Variants in DCBLD2 observed in about 807,000 individuals in gnomAD.
DCBLD2 encodes the protein discoidin, CUB and LCCL domain-containing protein 2.
A neutral mutation model predicts 86.8 loss-of-function variants in DCBLD2; 54 were observed. The ratio of observed to expected loss-of-function variants is 0.62; its 90% CI spans 0.50 to 0.78. The LOEUF (loss-of-function observed/expected upper bound fraction) is 0.78. Ranked by LOEUF, DCBLD2 falls within the 30% of genes least tolerant of loss-of-function variation. The pLI is 0.00. For synonymous variants in DCBLD2, 354 were observed against 341.3 expected, an observed-to-expected ratio of 1.04 and a Z score of -0.41; for missense variants, 908 against 954.2, an observed-to-expected ratio of 0.95 and a Z score of 0.64.
rs762308000 is a variant in DCBLD2, at chr3:98,819,233, T to A, written c.1056A>T (p.Gln352His). 1 of 1,594,852 alleles carries A rather than the reference T, an allele frequency of 6.3e-7. No individual in the cohort carries two copies. The highest frequency in any genetic ancestry group is 1.1e-5 in the South Asian group (1 of 88,600). The change falls in exon 8 of 16, where the codon CAA becomes CAT. Residue 352 changes from glutamine (Q) to histidine (H), a missense_variant. By Grantham distance (24) the Gln-to-His change is conservative (BLOSUM62 0). Transcript: ENST00000326840. ...TTTTCTTTTCCTTATTCAAATCTAT[T>A]TGTAACCACTGGTATTCATCAGTGG... is the stretch of plus-strand genomic sequence containing the variant. ...AFATDEYQWL[Q>H]IDLNKEKKIT... is the part of the protein sequence containing the mutation.
At chr3:98,848,320 G>C (rs893689887) in intron 3 of DCBLD2, among the ~76,000 whole-genome samples, 1 of 152,208 alleles carries the variant, frequency 6.6e-6, no homozygotes, top group Admixed American at 6.5e-5. Context: ...TTTCATGGCT[G>C]CATAGTATTC....
At position 98,796,638 on chromosome 3, in the gene DCBLD2, T is replaced by C. The variant is rs1358075963; in HGVS notation, c.*2734A>G. On this transcript the variant is annotated 3_prime_UTR_variant, in exon 16 of 16. Transcript: ENST00000326840. ...CGTTTACATCAGCGAATAAACCCAT[T>C]GTTCAATGCAAAGTGCAAACAGTGA... The C allele has an allele frequency of 1.3e-5, 2 of 152,762 alleles. No individual in the cohort carries two copies. Among genetic ancestry groups the C allele is most frequent in the South Asian group, 2.1e-4 (1 of 4,828 alleles). The allele number at this position is 152,762 out of a possible 1,614,324, so 9.5% of individuals were successfully genotyped here.
chr3:98,831,489 T>C (rs1942322276), intron 3 of DCBLD2, among the ~76,000 whole-genome samples: 1 of 152,174 alleles, frequency 6.6e-6, no homozygotes, highest in Non-Finnish European at 1.5e-5. Flanking sequence ...TGATTATACA[T>C]ATTCTGCTAG....
chr3:98,849,388 C>T lies in DCBLD2; in HGVS notation c.571+73G>A, dbSNP rs1262842972. ...CTATTCCAATTTCAGAAAACAGGTA[C>T]TTAAAAAAAGCATTTTATTTTTGTT... is the stretch of plus-strand genomic sequence containing the variant. On this transcript the variant is annotated intron_variant, in intron 3 of 15. Coordinates refer to ENST00000326840, the MANE Select transcript of DCBLD2 (RefSeq NM_080927.4). 7 of 1,591,070 alleles carry T rather than the reference C, an allele frequency of 4.4e-6. No individual in the cohort carries two copies. The South Asian group carries it at 6.7e-5, about 15-fold the overall frequency.
chr3:98,873,575 A>C (rs1943316241), intron 2 of DCBLD2, among the ~76,000 whole-genome samples: 1 of 152,136 alleles, frequency 6.6e-6, no homozygotes, highest in African/African-American at 2.4e-5. Flanking sequence ...ATTCCTAAAA[A>C]ATGATATAAT....
At chr3:98,891,092 A>G (rs1247209537) in intron 1 of DCBLD2, among the ~76,000 whole-genome samples, 1 of 151,886 alleles carries the variant, frequency 6.6e-6, no homozygotes, top group African/African-American at 2.4e-5. Context: ...AAACACAGAG[A>G]GTCATTCCAG....
At chr3:98,869,598 A>T (rs1576193692) in intron 2 of DCBLD2, among the ~76,000 whole-genome samples, 2 of 152,354 alleles carry the variant, frequency 1.3e-5, no homozygotes, top group Admixed American at 1.3e-4. Context: ...TTTCAAAAAA[A>T]GGTGTGGCTT....
intron 2 of DCBLD2, among the ~76,000 whole-genome samples, chr3:98,873,899 G>C (rs1156331415): frequency 6.6e-6 from 1 of 151,898 alleles, no homozygotes; most frequent in Admixed American, 6.6e-5. Context: ...AATGACAGGA[G>C]GTAAATAACT....
chr3:98,899,458 G>A (rs375325380), intron 1 of DCBLD2, among the ~76,000 whole-genome samples: 4 of 152,062 alleles, frequency 2.6e-5, no homozygotes, highest in African/African-American at 9.6e-5. Context: ...CACCATGTTG[G>A]TCAGGATGGT....
Position 98,822,862 on chromosome 3 carries a change from C to T in DCBLD2, c.624-121G>A, listed in dbSNP as rs535953021. The T allele has an allele frequency of 6.7e-6, 5 of 745,766 alleles. No homozygotes were observed. In the African/African-American group the frequency reaches 7.3e-5, roughly 11 times the overall value. The allele number at this position is 745,766 out of a possible 1,614,324, so 46.2% of individuals were successfully genotyped here. On this transcript the variant is annotated intron_variant, in intron 4 of 15. Transcript: ENST00000326840. The stretch of plus-strand genomic sequence containing the variant: ...AAGGTGAATACCATAATTTCACTAC[C>T]CTCAAAGACCCACCACTTCTTTTTT...
intron 1 of DCBLD2, among the ~76,000 whole-genome samples, chr3:98,893,833 T>C (rs1441984903): frequency 6.6e-6 from 1 of 152,166 alleles, no homozygotes; most frequent in Non-Finnish European, 1.5e-5. Flanking sequence ...GAGGAAGTCA[T>C]ACTGTGCAAG....
At chr3:98,804,437 T>C (rs1372092789) in intron 13 of DCBLD2, among the ~76,000 whole-genome samples, 2 of 152,170 alleles carry the variant, frequency 1.3e-5, no homozygotes, top group Admixed American at 6.5e-5. Flanking sequence ...TCTTCTCTCT[T>C]TTCTTCTTTA....
chr3:98,889,475 A>T (rs1399225088), intron 1 of DCBLD2, among the ~76,000 whole-genome samples: 1 of 152,086 alleles, frequency 6.6e-6, no homozygotes, highest in Admixed American at 6.6e-5. Context: ...TAAATGTCAT[A>T]AAAAGCAAAA....
Position 98,798,154 on chromosome 3 carries a change from TC to T in DCBLD2, c.*1217del, listed in dbSNP as rs1365357201. 6.6e-6 allele frequency: 1 copy of T among 152,144 alleles called. No homozygotes were observed. 9.4% of individuals were successfully genotyped at this position (152,144 alleles called of 1,614,324 possible). On this transcript the variant is annotated 3_prime_UTR_variant, in exon 16 of 16. Coordinates refer to ENST00000326840, the MANE Select transcript of DCBLD2 (RefSeq NM_080927.4). The stretch of plus-strand genomic sequence containing the variant: ...TTTGCTAGTAAGCTATAATGTCTGT[TC>T]CCTAGGTGACATATAGGACTACTCA...
intron 2 of DCBLD2, 31 bp from the exon 3 acceptor site, chr3:98,849,629 G>T (rs1216000824): frequency 1.3e-6 from 2 of 1,597,216 alleles, no homozygotes; most frequent in Admixed American, 3.4e-5. Flanking sequence ...GATTATTTGG[G>T]ATGACTCTCA....
chr3:98,864,057 A>C (rs1943095274), intron 2 of DCBLD2, among the ~76,000 whole-genome samples: 1 of 152,230 alleles, frequency 6.6e-6, no homozygotes, highest in Non-Finnish European at 1.5e-5. Context: ...ATGAACAGAC[A>C]CTTCTCAAAA....
chr3:98,865,692 A>C (rs963949749), intron 2 of DCBLD2, among the ~76,000 whole-genome samples: 2 of 151,382 alleles, frequency 1.3e-5, no homozygotes, highest in African/African-American at 4.9e-5. Context: ...TGTACAGCAT[A>C]TATACAATTT....
chr3:98,873,945 G>A (rs1307745303), intron 2 of DCBLD2, among the ~76,000 whole-genome samples: 1 of 152,154 alleles, frequency 6.6e-6, no homozygotes, highest in Non-Finnish European at 1.5e-5. Context: ...GTTAATAACT[G>A]TAAGATTCTA....
intron 8 of DCBLD2, among the ~76,000 whole-genome samples, chr3:98,818,193 T>C (rs906891771): frequency 6.6e-6 from 1 of 152,188 alleles, no homozygotes; most frequent in Non-Finnish European, 1.5e-5. Flanking sequence ...TTCCTGGGAA[T>C]GAACAGATTA....
Sources: gnomAD v4.1 joint callset for allele counts (sites outside exome capture counted in the v4.1 genomes callset) on GRCh38, gnomAD v4.1.1 for gene constraint, MANE v1.5 for transcripts, NCBI Gene and HGNC (gene_info 2026-07-23, HGNC 2026-07-21) for gene names.